Variants in GPR160 observed in about 807,000 individuals in gnomAD.
GPR160 encodes G protein-coupled receptor 160, also known as probable G protein-coupled receptor 160.
In GPR160, 2 loss-of-function variants were observed where a neutral mutation model predicts 2.6. That is an observed-to-expected ratio of 0.77 (90% CI 0.32 to 2.44). The LOEUF (loss-of-function observed/expected upper bound fraction) is 2.44, where lower values mean the gene tolerates loss of function less well. Among genes scored for constraint, GPR160 ranks in the 30% most tolerant of loss-of-function variants. The probability of loss-of-function intolerance (pLI) is 0.11; values close to 1 mark genes in which losing one functional copy is unlikely to be tolerated. For missense variants in GPR160, 351 were observed against 383.6 expected (o/e 0.91, Z 0.71); for synonymous variants, 130 against 132.2 (o/e 0.98, Z 0.12).
At chr3:170,068,299 C>T (rs1213726220) in intron 2 of GPR160, among the ~76,000 whole-genome samples, 1 of 152,084 alleles carries the variant, frequency 6.6e-6, no homozygotes, top group Non-Finnish European at 1.5e-5. Flanking sequence ...CGTGCACCAC[C>T]ATGCCCCACT....
At chr3:170,055,582 A>T (rs1711599457) in intron 2 of GPR160, among the ~76,000 whole-genome samples, 1 of 152,166 alleles carries the variant, frequency 6.6e-6, no homozygotes, top group Non-Finnish European at 1.5e-5. Flanking sequence ...AGACTAAAGG[A>T]CATGATAATC....
intron 3 of GPR160, among the ~76,000 whole-genome samples, chr3:170,080,473 C>T (rs149113989): frequency 2.6e-5 from 4 of 152,142 alleles, no homozygotes; most frequent in South Asian, 2.1e-4. Flanking sequence ...TGTTCCATGT[C>T]GGACTTGTCT....
chr3:170,043,688 T>C (rs1716562645), intron 2 of GPR160, among the ~76,000 whole-genome samples: 1 of 152,112 alleles, frequency 6.6e-6, no homozygotes, highest in African/African-American at 2.4e-5. Context: ...CGCCCAAGAA[T>C]TGGGTAGTCT....
chr3:170,084,422 CCTTG>C lies in GPR160; in HGVS notation c.454_457del (p.Ala152MetfsTer12). On this transcript the variant is annotated frameshift_variant, in exon 4 of 4. Coordinates refer to ENST00000355897, the MANE Select transcript of GPR160 (RefSeq NM_014373.3). LOFTEE classifies it low-confidence loss of function (END_TRUNC). ...CAGTAATTTTAATTTGGATTTCAGTCCTTGCTTATGTTTTGGGAGACCCAGCCAT... is the reference window on the plus strand; with the variant it reads ...CAGTAATTTTAATTTGGATTTCAGTCCTTATGTTTTGGGAGACCCAGCCAT... 2 of 1,608,762 alleles carry C rather than the reference CCTTG, an allele frequency of 1.2e-6. No homozygotes were observed. Among genetic ancestry groups the C allele is most frequent in the Non-Finnish European group, 1.7e-6 (2 of 1,175,248 alleles).
rs1239392438 is a variant in GPR160, at chr3:170,055,785, C to T, written c.-193+16742C>T. Among the ~76,000 whole-genome samples, 4 of 150,812 alleles carry T rather than the reference C, an allele frequency of 2.7e-5. No individual in the cohort carries two copies. The East Asian group carries it at 5.8e-4, about 22-fold the overall frequency. ...GAGTAGCTGGGACTGCAGGTGTCTG[C>T]CACAACGCCTGTCTAATTTTTTGTA... is the stretch of plus-strand genomic sequence containing the variant. On this transcript the variant is annotated intron_variant, in intron 2 of 3. Transcript: ENST00000355897.
intron 2 of GPR160, among the ~76,000 whole-genome samples, chr3:170,039,955 T>C (rs921342674): frequency 1.3e-5 from 2 of 151,470 alleles, no homozygotes; most frequent in Non-Finnish European, 2.9e-5. Flanking sequence ...GTTCATGGAT[T>C]GTTAATAGTT....
In GPR160 at chr3:170,038,711, C is replaced by T. The variant is rs988729182; in HGVS notation, c.-321-204C>T. ...GCCGACTTTGCCTCCCCTCCCCTGG[C>T]CTCGAGCGTTGGGGACGGCGCCCCC... On this transcript the variant is annotated intron_variant, in intron 1 of 3. Transcript: ENST00000355897. The surrounding 1 kb of genome is among the most constrained non-coding windows in gnomAD (Gnocchi z 5.3). 6.6e-6 allele frequency: 1 copy of T among 152,124 alleles called. No homozygotes were observed. Among genetic ancestry groups the T allele is most frequent in the African/African-American group, 2.4e-5 (1 of 41,414 alleles). The allele number at this position is 152,124 out of a possible 1,614,324, so 9.4% of individuals were successfully genotyped here. A position where few individuals can be genotyped will look rare whatever the true frequency, so the allele number is the denominator to read the frequency against.
At chr3:170,056,769 G>C (rs1407857952) in intron 2 of GPR160, among the ~76,000 whole-genome samples, 2 of 152,174 alleles carry the variant, frequency 1.3e-5, no homozygotes, top group African/African-American at 4.8e-5. Flanking sequence ...GTAAGTAAGA[G>C]GTTCAAATTG....
At chr3:170,065,329 T>A (rs1413021386) in intron 2 of GPR160, among the ~76,000 whole-genome samples, 2 of 152,214 alleles carry the variant, frequency 1.3e-5, no homozygotes, top group Non-Finnish European at 2.9e-5. Flanking sequence ...TTTTGGTATG[T>A]TCAAAGATAT....
chr3:170,072,437 T>C (rs1712644943), intron 2 of GPR160, among the ~76,000 whole-genome samples: 1 of 152,160 alleles, frequency 6.6e-6, no homozygotes, highest in Non-Finnish European at 1.5e-5. Flanking sequence ...ATTTCCGTTG[T>C]TTCTTTAAGT....
chr3:170,050,280 G>A (rs1716902921), intron 2 of GPR160, among the ~76,000 whole-genome samples: 1 of 150,366 alleles, frequency 6.7e-6, no homozygotes, highest in Non-Finnish European at 1.5e-5. Context: ...TTTCGCTCTT[G>A]TTGCCCAGGC....
intron 2 of GPR160, among the ~76,000 whole-genome samples, chr3:170,046,686 A>G: frequency 6.6e-6 from 1 of 152,202 alleles, no homozygotes; most frequent in Non-Finnish European, 1.5e-5. Context: ...GATGCTGTTA[A>G]CTAATGTTTA....
intron 2 of GPR160, among the ~76,000 whole-genome samples, chr3:170,054,096 T>TG (rs1711522498): frequency 7.4e-6 from 1 of 135,520 alleles, no homozygotes; most frequent in Non-Finnish European, 1.6e-5. Context: ...AAAAGCAGCG[T>TG]TTGTGTGTGT....
chr3:170,073,437 T>A (rs1054548784), intron 2 of GPR160, among the ~76,000 whole-genome samples: 1 of 152,238 alleles, frequency 6.6e-6, no homozygotes, highest in Non-Finnish European at 1.5e-5. Context: ...TGGTTTTTCA[T>A]AGAGACTTCT....
intron 2 of GPR160, among the ~76,000 whole-genome samples, chr3:170,072,008 G>C (rs74891204): frequency 0.043 from 6,434 of 150,734 alleles, 454 homozygotes; most frequent in African/African-American, 0.15. Context: ...TGGATATTTG[G>C]GATATTTCCA....
In GPR160 at chr3:170,084,515, G is replaced by A; in HGVS notation, c.543G>A (p.Gln181=). 1 of 1,612,924 alleles carries A rather than the reference G, an allele frequency of 6.2e-7. No individual in the cohort carries two copies. The highest frequency in any genetic ancestry group is 1.7e-5 in the Admixed American group (1 of 59,986). ...SRHCPFYVSI[Q]SYWLSFFMVM... ...ACTGTCCTTTCTATGTCAGCATTCA[G>A]AGTTACTGGCTGTCATTTTTCATGG... The change falls in exon 4 of 4, where the codon CAG becomes CAA. Residue 181 remains glutamine, a synonymous_variant. Coordinates refer to ENST00000355897, the MANE Select transcript of GPR160 (RefSeq NM_014373.3).
At chr3:170,055,452 G>C (rs1411288806) in intron 2 of GPR160, among the ~76,000 whole-genome samples, 1 of 152,150 alleles carries the variant, frequency 6.6e-6, no homozygotes, top group African/African-American at 2.4e-5. Flanking sequence ...GTCATACAAG[G>C]AGCCACATTC....
At chr3:170,045,488 C>T (rs1367931994) in intron 2 of GPR160, among the ~76,000 whole-genome samples, 2 of 142,336 alleles carry the variant, frequency 1.4e-5, no homozygotes. Context: ...GTAGTCCCAG[C>T]TACTCGGGAG....
intron 2 of GPR160, among the ~76,000 whole-genome samples, chr3:170,058,499 A>C (rs1711759564): frequency 6.6e-6 from 1 of 152,252 alleles, no homozygotes; most frequent in Admixed American, 6.5e-5. Context: ...TCTAAGAAAC[A>C]GTGGTTACAT....
Sources: gnomAD v4.1 joint callset for allele counts (sites outside exome capture counted in the v4.1 genomes callset) on GRCh38, gnomAD v4.1.1 for gene constraint, Gnocchi (gnomAD v3.1) non-coding constraint, MANE v1.5 for transcripts, NCBI Gene and HGNC (gene_info 2026-07-23, HGNC 2026-07-21) for gene names.